The following CCDC91 variants were observed in gnomAD, a reference collection of about 807,000 sequenced individuals.
CCDC91 encodes coiled-coil domain containing 91.
Under a neutral mutation model 63.2 loss-of-function variants are expected in CCDC91, and 48 were observed. That is an observed-to-expected ratio of 0.76 (90% confidence interval 0.60 to 0.97). The LOEUF is 0.97. Ranked by LOEUF, CCDC91 falls within the 50% of genes least tolerant of loss-of-function variation. The pLI is 0.00. For synonymous variants in CCDC91, 167 were observed against 165.8 expected (o/e 1.01, Z -0.06); for missense variants, 500 against 494.6 (o/e 1.01, Z -0.10).
At chr12:28,520,720 C>G (rs1408245129) in intron 12 of CCDC91, among the ~76,000 whole-genome samples, 2 of 152,166 alleles carry the variant, frequency 1.3e-5, no homozygotes, top group African/African-American at 4.8e-5. Context: ...ACATTTAAGT[C>G]TTTAATCTAT....
intron 8 of CCDC91, chr12:28,412,782 T>C (rs1385200919): frequency 4.4e-6 from 2 of 453,744 alleles, no homozygotes. Flanking sequence ...CTTCCTGCGA[T>C]TGGCTGCTTT....
intron 1 of CCDC91, among the ~76,000 whole-genome samples, chr12:28,247,474 C>T (rs1185667665): frequency 5.3e-5 from 7 of 130,964 alleles, no homozygotes; most frequent in African/African-American, 1.8e-4. Flanking sequence ...ACCAAGACTC[C>T]GTCTCAAAAA....
intron 7 of CCDC91, among the ~76,000 whole-genome samples, chr12:28,369,441 C>A (rs1013026754): frequency 2.6e-5 from 4 of 152,196 alleles, no homozygotes; most frequent in Non-Finnish European, 5.9e-5. Flanking sequence ...GCAGCTCTCC[C>A]CCTGAGGCTC....
At chr12:28,519,601 G>A (rs1229588416) in intron 12 of CCDC91, among the ~76,000 whole-genome samples, 1 of 151,082 alleles carries the variant, frequency 6.6e-6, no homozygotes, top group African/African-American at 2.4e-5. Flanking sequence ...TCAAGTTCTA[G>A]GGTACACGTG....
intron 1 of CCDC91, among the ~76,000 whole-genome samples, chr12:28,192,684 C>T (rs1337538604): frequency 2.6e-5 from 4 of 152,082 alleles, no homozygotes; most frequent in Admixed American, 2.0e-4. Context: ...CTGCCCTATT[C>T]CCATACCCAG....
chr12:28,444,378 T>A (rs917835174), intron 8 of CCDC91, among the ~76,000 whole-genome samples: 6 of 152,148 alleles, frequency 3.9e-5, no homozygotes, highest in African/African-American at 1.4e-4. Context: ...TTGTGAAAAA[T>A]AATCACAAAA....
intron 3 of CCDC91, among the ~76,000 whole-genome samples, chr12:28,268,378 A>G (rs1279129388): frequency 1.3e-5 from 2 of 152,132 alleles, no homozygotes. Context: ...ATATTTATAT[A>G]ATAGAACACC....
At chr12:28,483,980 G>A (rs1337075833) in intron 11 of CCDC91, 72 bp from the exon 12 acceptor site, 4 of 819,056 alleles carry the variant, frequency 4.9e-6, no homozygotes, top group African/African-American at 1.7e-5. Flanking sequence ...AGGATGTTTA[G>A]TTTATATGAA....
chr12:28,396,644 TTGTG>T (rs1283305556), intron 8 of CCDC91, among the ~76,000 whole-genome samples: 4,173 of 15,682 alleles, frequency 0.27, 180 homozygotes, highest in African/African-American at 0.28. Flanking sequence ...AAAGGAGATT[TTGTG>T]TGTGTGTGTG....
intron 12 of CCDC91, among the ~76,000 whole-genome samples, chr12:28,511,600 A>G (rs1327612116): frequency 6.6e-6 from 1 of 151,910 alleles, no homozygotes; most frequent in Non-Finnish European, 1.5e-5. Context: ...GTAGGCACTC[A>G]TTAAATATTT....
intron 8 of CCDC91, among the ~76,000 whole-genome samples, chr12:28,407,565 G>T (rs1947029890): frequency 6.6e-6 from 1 of 152,082 alleles, no homozygotes; most frequent in South Asian, 2.1e-4. Flanking sequence ...TTACAAAGTT[G>T]TTTTGGATAT....
intron 1 of CCDC91, among the ~76,000 whole-genome samples, chr12:28,193,605 CAAAA>C (rs61394800): frequency 7.7e-6 from 1 of 130,530 alleles, no homozygotes; most frequent in African/African-American, 2.8e-5. Flanking sequence ...GTCTCAAAAA[CAAAA>C]AAAAAAAAAA....
In CCDC91 at chr12:28,333,391, T is replaced by C. The variant is rs1368570696; in HGVS notation, c.576+25642T>C. On this transcript the variant is annotated intron_variant, in intron 6 of 12. Coordinates refer to ENST00000536442, the MANE Select transcript of CCDC91 (RefSeq NM_018318.5). ...GCCTGGGTGACAGAGCAAGACTCCA[T>C]CTCAGAAAAAAAAAAAAAAAAAAAT... Among the ~76,000 whole-genome samples the C allele has an allele frequency of 1.3e-4, 17 of 127,340 alleles. 1 individual carries two copies. In the Admixed American group the frequency reaches 1.4e-3, roughly 11 times the overall value. The allele number at this position is 127,340 out of a possible 152,430, so 83.5% of individuals were successfully genotyped here. A position where few individuals can be genotyped will look rare whatever the true frequency, so the allele number is the denominator to read the frequency against.
chr12:28,323,158 T>A (rs1299316763), intron 6 of CCDC91, among the ~76,000 whole-genome samples: 1 of 151,500 alleles, frequency 6.6e-6, no homozygotes, highest in Admixed American at 6.6e-5. Flanking sequence ...TAATGGTGTA[T>A]ACTGTTAATT....
chr12:28,289,726 C>T lies in CCDC91; in HGVS notation c.110-15923C>T, dbSNP rs1172252080. Among the ~76,000 whole-genome samples the T allele has an allele frequency of 4.1e-5, 5 of 122,404 alleles. No homozygotes were observed. In the East Asian group the frequency reaches 1.4e-3, roughly 35 times the overall value. 80.3% of individuals were successfully genotyped at this position (122,404 alleles called of 152,430 possible). Reference sequence around the variant, plus strand: ...TTTTTTTTGACGACGGAGTCTCACTCTGTTGCCCAGGCTGGAGTGCAGTGG... The same window carrying T: ...TTTTTTTTGACGACGGAGTCTCACTTTGTTGCCCAGGCTGGAGTGCAGTGG... On this transcript the variant is annotated intron_variant, in intron 3 of 12. Coordinates refer to ENST00000536442, the MANE Select transcript of CCDC91 (RefSeq NM_018318.5).
At chr12:28,293,018 A>G (rs1214195469) in intron 3 of CCDC91, among the ~76,000 whole-genome samples, 3 of 152,248 alleles carry the variant, frequency 2.0e-5, no homozygotes, top group Non-Finnish European at 4.4e-5. Flanking sequence ...AGTCTTTTTC[A>G]TAGATATTTC....
chr12:28,500,698 G>T (rs1937710555), intron 12 of CCDC91, among the ~76,000 whole-genome samples: 2 of 151,586 alleles, frequency 1.3e-5, no homozygotes, highest in African/African-American at 4.8e-5. Flanking sequence ...GCTATTTCAA[G>T]AACTATGTCT....
intron 3 of CCDC91, among the ~76,000 whole-genome samples, chr12:28,273,505 T>C (rs1592167258): frequency 6.6e-6 from 1 of 152,116 alleles, no homozygotes; most frequent in Non-Finnish European, 1.5e-5. Flanking sequence ...GCACCTGTTG[T>C]TTCCTGACTT....
chr12:28,450,497 T>C, intron 10 of CCDC91, 79 bp downstream of exon 10: 1 of 1,004,152 alleles, frequency 1.0e-6, no homozygotes, highest in Admixed American at 2.1e-5. Context: ...ATTCTCAATC[T>C]TTTATAAAAT....
Sources: allele counts gnomAD v4.1 joint callset (sites outside exome capture counted in the v4.1 genomes callset), GRCh38; gene constraint gnomAD v4.1.1; transcripts MANE v1.5; gene names NCBI Gene and HGNC (gene_info 2026-07-23, HGNC 2026-07-21).